The following ACER2 variants were observed in gnomAD, a reference collection of about 807,000 sequenced individuals.
ACER2 encodes the protein alkaline ceramidase 2.
Under a neutral mutation model 34.7 loss-of-function variants are expected in ACER2, and 26 were observed. That is an observed-to-expected ratio of 0.75 (90% CI 0.55 to 1.04). The LOEUF (loss-of-function observed/expected upper bound fraction) is 1.04. Among genes scored for constraint, ACER2 ranks in the 50% least tolerant of loss-of-function variants. The pLI, the probability that ACER2 is intolerant of heterozygous loss-of-function variation, is 0.00. For synonymous variants in ACER2, 138 were observed against 132.1 expected, an observed-to-expected ratio of 1.04 and a Z score of -0.31; for missense variants, 352 against 340.8, an observed-to-expected ratio of 1.03 and a Z score of -0.26.
intron 1 of ACER2, among the ~76,000 whole-genome samples, chr9:19,422,659 C>A (rs941607973): frequency 1.3e-5 from 2 of 151,406 alleles, no homozygotes; most frequent in South Asian, 4.2e-4. Context: ...GGGAGCTGGA[C>A]AATGTCCAGT....
Position 19,435,054 on chromosome 9 carries a change from G to A in ACER2, c.473G>A (p.Cys158Tyr). The change falls in exon 4 of 6, where the codon TGC (cysteine) becomes TAC (tyrosine). Residue 158 changes from cysteine (C) to tyrosine (Y), a missense_variant. Coordinates refer to ENST00000340967, the MANE Select transcript of ACER2 (RefSeq NM_001010887.3). ...NISLMTLGVP[C>Y]TALLIAELKR... is the part of the protein sequence containing the mutation. ...TCTCTGATGACCCTGGGAGTTCCTTGCACTGCACTGCTCATCGCAGAGCTA... is the reference window on the plus strand; with the variant it reads ...TCTCTGATGACCCTGGGAGTTCCTTACACTGCACTGCTCATCGCAGAGCTA... 6.2e-7 allele frequency: 1 copy of A among 1,614,142 alleles called. No homozygotes were observed. Among genetic ancestry groups the A allele is most frequent in the East Asian group, 2.2e-5 (1 of 44,870 alleles).
intron 3 of ACER2, among the ~76,000 whole-genome samples, chr9:19,432,259 C>T (rs1393821468): frequency 6.6e-6 from 1 of 152,076 alleles, no homozygotes; most frequent in Non-Finnish European, 1.5e-5. Flanking sequence ...TTTTCTTAGT[C>T]TATTGGAATT....
intron 4 of ACER2, among the ~76,000 whole-genome samples, chr9:19,444,233 AC>A (rs1831265046): frequency 6.8e-6 from 1 of 147,082 alleles, no homozygotes; most frequent in African/African-American, 2.5e-5. Context: ...TTTTTTTGAG[AC>A]GGAGTCTTGC....
At chr9:19,418,211 G>C (rs1461503539) in intron 1 of ACER2, among the ~76,000 whole-genome samples, 2 of 152,194 alleles carry the variant, frequency 1.3e-5, no homozygotes, top group East Asian at 3.8e-4. Flanking sequence ...ATGCTAGAGA[G>C]GATGTGGAGA....
chr9:19,427,691 G>C (rs73418099), intron 3 of ACER2, among the ~76,000 whole-genome samples: 6,675 of 130,826 alleles, frequency 0.051, 445 homozygotes, highest in African/African-American at 0.21. Context: ...CTCTGAGACG[G>C]ACTGTCTCTC....
intron 3 of ACER2, among the ~76,000 whole-genome samples, chr9:19,432,194 G>A (rs909350402): frequency 4.6e-5 from 7 of 152,144 alleles, no homozygotes; most frequent in Admixed American, 3.9e-4. Flanking sequence ...AAAACTTGTC[G>A]ATGTAAATTC....
chr9:19,410,767 T>C (rs1483544727), intron 1 of ACER2, among the ~76,000 whole-genome samples: 1 of 152,204 alleles, frequency 6.6e-6, no homozygotes, highest in Non-Finnish European at 1.5e-5. Flanking sequence ...ATGACTTATG[T>C]ATTGCATAAC....
At position 19,450,675 on chromosome 9, in the gene ACER2, C is replaced by T. The variant is rs759399921; in HGVS notation, c.*39C>T. On this transcript the variant is annotated 3_prime_UTR_variant, in exon 6 of 6. Transcript: ENST00000340967. ...GCTGGCTTCTCTGCTTATCGCCCCT[C>T]ATGCAGTGGGCTTCCTTTGCTAGGA... 2 of 1,494,744 alleles carry T rather than the reference C, an allele frequency of 1.3e-6. No homozygotes were observed. Among genetic ancestry groups the T allele is most frequent in the Non-Finnish European group, 1.8e-6 (2 of 1,101,986 alleles). 92.6% of individuals were successfully genotyped at this position (1,494,744 alleles called of 1,614,324 possible).
chr9:19,446,797 C>A (rs1006870764), intron 5 of ACER2: 1 of 307,448 alleles, frequency 3.3e-6, no homozygotes, highest in African/African-American at 2.3e-5. Context: ...CTGGGAGGGT[C>A]CTCAGTGGGA....
intron 3 of ACER2, among the ~76,000 whole-genome samples, chr9:19,430,852 G>A (rs906509194): frequency 2.6e-5 from 4 of 152,168 alleles, no homozygotes; most frequent in South Asian, 4.2e-4. Context: ...CAGCTACTCC[G>A]GAGGCTGAGG....
chr9:19,423,561 T>TC (rs1481477422), intron 1 of ACER2, among the ~76,000 whole-genome samples: 1 of 151,770 alleles, frequency 6.6e-6, no homozygotes, highest in East Asian at 1.9e-4. Context: ...ATGAGCCAGG[T>TC]ATGGTGGTGG....
intron 4 of ACER2, among the ~76,000 whole-genome samples, chr9:19,437,053 T>C (rs1462856913): frequency 6.6e-6 from 1 of 152,224 alleles, no homozygotes; most frequent in Non-Finnish European, 1.5e-5. Flanking sequence ...TTCTCCAAGA[T>C]TGTGTATTCA....
At chr9:19,432,704 A>G (rs1278103413) in intron 3 of ACER2, among the ~76,000 whole-genome samples, 2 of 148,032 alleles carry the variant, frequency 1.4e-5, no homozygotes, top group African/African-American at 2.4e-5. Flanking sequence ...ATATAGTTAT[A>G]TATAAAATAT....
intron 1 of ACER2, among the ~76,000 whole-genome samples, chr9:19,413,438 A>G (rs1348003893): frequency 6.6e-6 from 1 of 152,072 alleles, no homozygotes; most frequent in African/African-American, 2.4e-5. Flanking sequence ...ATCTTTACCA[A>G]AAATACAAAA....
Position 19,409,118 on chromosome 9 carries a change from GC to G in ACER2, c.35del (p.Ala12ValfsTer55), listed in dbSNP as rs1830005393. 6.2e-7 allele frequency: 1 copy of G among 1,604,782 alleles called. No homozygotes were observed. Among genetic ancestry groups the G allele is most frequent in the Non-Finnish European group, 8.5e-7 (1 of 1,176,332 alleles). On this transcript the variant is annotated frameshift_variant, in exon 1 of 6. Transcript: ENST00000340967. LOFTEE classifies it high-confidence loss of function. Reference protein sequence around the residue: ...GAPHWWDQLQAGSSEVDWCED... With the variant: ...GAPHWWDQLQXGSSEVDWCED... ...CCCGCACTGGTGGGACCAGCTGCAG[GC>G]TGGTAGCTCGGAGGTGGACTGGTGC...
chr9:19,443,370 G>T (rs1831223395), intron 4 of ACER2, among the ~76,000 whole-genome samples: 1 of 152,176 alleles, frequency 6.6e-6, no homozygotes, highest in Non-Finnish European at 1.5e-5. Context: ...GTTTCACCCT[G>T]TCAGCCAGGA....
At chr9:19,418,770 C>G (rs934614777) in intron 1 of ACER2, among the ~76,000 whole-genome samples, 8 of 152,078 alleles carry the variant, frequency 5.3e-5, no homozygotes, top group Admixed American at 3.9e-4. Flanking sequence ...GTGCAGTAAA[C>G]CACCATGGCA....
At chr9:19,412,045 T>C (rs1830101624) in intron 1 of ACER2, among the ~76,000 whole-genome samples, 1 of 152,220 alleles carries the variant, frequency 6.6e-6, no homozygotes, top group Admixed American at 6.6e-5. Context: ...GAGAGTTATC[T>C]TGAAGCTATA....
In ACER2 at chr9:19,443,065, C is replaced by T. The variant is rs138723291; in HGVS notation, c.504-3216C>T. Among the ~76,000 whole-genome samples the T allele has an allele frequency of 5.9e-3, 892 of 152,160 alleles. 9 individuals are homozygous for T. Among genetic ancestry groups the T allele is most frequent in the African/African-American group, 0.02 (845 of 41,496 alleles). ...TTATTTTTTGAGACGGAGTCTTGCT[C>T]AGTCGCCCAGGCTGGAGTGCAGTGG... On this transcript the variant is annotated intron_variant, in intron 4 of 5. Transcript: ENST00000340967.
Sources: gnomAD v4.1 joint callset for allele counts (sites outside exome capture counted in the v4.1 genomes callset) on GRCh38, gnomAD v4.1.1 for gene constraint, MANE v1.5 for transcripts, NCBI Gene and HGNC (gene_info 2026-07-23, HGNC 2026-07-21) for gene names.